Variants in PRKCE observed in about 807,000 individuals in gnomAD.
The protein encoded by PRKCE is protein kinase C epsilon type.
In PRKCE, 16 loss-of-function variants were observed where a neutral mutation model predicts 85.4. The observed-to-expected ratio is 0.19, with a 90% CI of 0.13 to 0.28. The LOEUF is 0.28. PRKCE is among the 10% of genes least tolerant of loss of function. The probability of loss-of-function intolerance (pLI) is 1.00; values close to 1 mark genes in which losing one functional copy is unlikely to be tolerated. For missense variants in PRKCE, 573 were observed against 975.2 expected (o/e 0.59, Z 5.49); for synonymous variants, 388 against 371.5 (o/e 1.04, Z -0.51).
intron 2 of PRKCE, among the ~76,000 whole-genome samples, chr2:45,910,664 C>T (rs925312298): frequency 7.2e-5 from 11 of 152,214 alleles, no homozygotes; most frequent in African/African-American, 2.2e-4. Context: ...CAGTGTCTCA[C>T]AGCAGGGGCT....
In PRKCE at chr2:45,702,764, G is replaced by A. The variant is rs77593483; in HGVS notation, c.348+50316G>A. Among the ~76,000 whole-genome samples the A allele has an allele frequency of 9.9e-4, 150 of 152,258 alleles. 3 individuals carry two copies. The East Asian group carries it at 0.027, about 27-fold the overall frequency. ...CTAAGAAGAGCTTCTGCTATTGCAAGCAGGACACGAACCACCTCTCTTTTC... is the reference window on the plus strand; with the variant it reads ...CTAAGAAGAGCTTCTGCTATTGCAAACAGGACACGAACCACCTCTCTTTTC... On this transcript the variant is annotated intron_variant, in intron 1 of 14. Coordinates refer to ENST00000306156, the MANE Select transcript of PRKCE (RefSeq NM_005400.3).
chr2:45,754,259 A>G (rs767707783), intron 1 of PRKCE, among the ~76,000 whole-genome samples: 3 of 152,018 alleles, frequency 2.0e-5, no homozygotes, highest in African/African-American at 7.2e-5. Flanking sequence ...ACTTTATTCT[A>G]TTTTCTTTCA....
chr2:45,746,572 A>G (rs1200915955), intron 1 of PRKCE, among the ~76,000 whole-genome samples: 2 of 152,182 alleles, frequency 1.3e-5, no homozygotes, highest in Non-Finnish European at 2.9e-5. Context: ...CTAAGTTTCT[A>G]CCTCACTGAA....
chr2:46,150,421 G>A (rs1297437913), intron 12 of PRKCE, among the ~76,000 whole-genome samples: 1 of 152,172 alleles, frequency 6.6e-6, no homozygotes, highest in Non-Finnish European at 1.5e-5. Flanking sequence ...GGATCTTATG[G>A]GAATCATGAT....
intron 10 of PRKCE, among the ~76,000 whole-genome samples, chr2:46,038,438 C>T (rs542727421): frequency 6.6e-5 from 10 of 152,026 alleles, no homozygotes; most frequent in Non-Finnish European, 1.5e-4. Context: ...TGTTTACTTA[C>T]CCATGGGCAG....
intron 10 of PRKCE, among the ~76,000 whole-genome samples, chr2:46,025,653 C>G (rs1232861042): frequency 6.6e-6 from 1 of 152,202 alleles, no homozygotes; most frequent in Non-Finnish European, 1.5e-5. Context: ...GTCACTCTCT[C>G]GCTGTCTCAT....
At chr2:45,776,437 A>G (rs1685754566) in intron 1 of PRKCE, among the ~76,000 whole-genome samples, 1 of 152,224 alleles carries the variant, frequency 6.6e-6, no homozygotes, top group Non-Finnish European at 1.5e-5. Context: ...ACAAATAACC[A>G]GGAACTTGCA....
intron 6 of PRKCE, among the ~76,000 whole-genome samples, chr2:45,992,376 G>T (rs1159702499): frequency 6.6e-6 from 1 of 152,164 alleles, no homozygotes; most frequent in Non-Finnish European, 1.5e-5. Flanking sequence ...GTGTGATCAG[G>T]ACTCCAAAAT....
At chr2:45,684,371 A>G (rs1426497919) in intron 1 of PRKCE, among the ~76,000 whole-genome samples, 2 of 152,138 alleles carry the variant, frequency 1.3e-5, no homozygotes, top group Admixed American at 6.5e-5. Context: ...GATCAGGGCT[A>G]TTTCATCTGT....
chr2:45,953,744 G>A lies in PRKCE; in HGVS notation c.413-22685G>A, dbSNP rs556290997. Among the ~76,000 whole-genome samples, 52 of 152,300 alleles carry A rather than the reference G, an allele frequency of 3.4e-4. No individual in the cohort carries two copies. The South Asian group carries it at 9.1e-3, about 27-fold the overall frequency. ...AAGTACCAGTGCCTGGGCTCCCCCCGAAGAGATTGTGATTCAGTTGTCTGT... is the reference window on the plus strand; with the variant it reads ...AAGTACCAGTGCCTGGGCTCCCCCCAAAGAGATTGTGATTCAGTTGTCTGT... On this transcript the variant is annotated intron_variant, in intron 2 of 14. Coordinates refer to ENST00000306156, the MANE Select transcript of PRKCE (RefSeq NM_005400.3).
intron 10 of PRKCE, among the ~76,000 whole-genome samples, chr2:46,038,920 A>T (rs989489300): frequency 6.6e-6 from 1 of 152,228 alleles, no homozygotes; most frequent in Non-Finnish European, 1.5e-5. Context: ...GACCTTACCA[A>T]TAAACATTTG....
At chr2:45,823,078 T>C (rs1011840763) in intron 1 of PRKCE, among the ~76,000 whole-genome samples, 3 of 152,218 alleles carry the variant, frequency 2.0e-5, no homozygotes, top group Non-Finnish European at 4.4e-5. Flanking sequence ...AGGTATGGAC[T>C]CTGTCCCCAA....
chr2:46,158,177 A>C (rs1458317129), intron 13 of PRKCE, among the ~76,000 whole-genome samples: 2 of 152,238 alleles, frequency 1.3e-5, no homozygotes, highest in Non-Finnish European at 2.9e-5. Context: ...TCATAATTTA[A>C]ATAAACCAGA....
At chr2:45,797,157 A>G (rs142900246) in intron 1 of PRKCE, among the ~76,000 whole-genome samples, 239 of 152,282 alleles carry the variant, frequency 1.6e-3, no homozygotes, top group Non-Finnish European at 2.4e-3. Flanking sequence ...TAACAGGTAT[A>G]GTATCATTAG....
chr2:45,985,066 G>T (rs2082828983), intron 6 of PRKCE, among the ~76,000 whole-genome samples: 1 of 152,142 alleles, frequency 6.6e-6, no homozygotes, highest in Non-Finnish European at 1.5e-5. Flanking sequence ...TTTCTTGCAT[G>T]GTCCATGGCT....
At chr2:45,722,299 A>T (rs1227881202) in intron 1 of PRKCE, among the ~76,000 whole-genome samples, 1 of 152,206 alleles carries the variant, frequency 6.6e-6, no homozygotes, top group Non-Finnish European at 1.5e-5. Context: ...CTGGCTTCAT[A>T]GGAGTCAGCT....
At chr2:45,699,562 C>A (rs1678443759) in intron 1 of PRKCE, among the ~76,000 whole-genome samples, 1 of 152,152 alleles carries the variant, frequency 6.6e-6, no homozygotes, top group Non-Finnish European at 1.5e-5. Flanking sequence ...GGGCACCAGC[C>A]CCCATGCTGT....
At chr2:46,117,504 G>A (rs1328320675) in intron 11 of PRKCE, among the ~76,000 whole-genome samples, 1 of 152,188 alleles carries the variant, frequency 6.6e-6, no homozygotes, top group African/African-American at 2.4e-5. Flanking sequence ...AATCACATGG[G>A]CAGAGATTTC....
intron 1 of PRKCE, among the ~76,000 whole-genome samples, chr2:45,832,350 T>C (rs112849092): frequency 0.013 from 2,001 of 151,404 alleles, 47 homozygotes; most frequent in African/African-American, 0.046. Context: ...TCTCACTCTG[T>C]TGCCCAGGCT....
Sources: gnomAD v4.1 joint callset for allele counts (sites outside exome capture counted in the v4.1 genomes callset) on GRCh38, gnomAD v4.1.1 for gene constraint, MANE v1.5 for transcripts, NCBI Gene and HGNC (gene_info 2026-07-23, HGNC 2026-07-21) for gene names.